Variants in CSMD1 observed in about 807,000 individuals in gnomAD.
CSMD1 encodes CUB and sushi domain-containing protein 1.
Under a neutral mutation model 417.5 loss-of-function variants are expected in CSMD1, and 213 were observed. That is an observed-to-expected ratio of 0.51 (90% CI 0.46 to 0.57). CSMD1 has a LOEUF of 0.57. Among genes scored for constraint, CSMD1 ranks in the 20% least tolerant of loss-of-function variants. The probability of loss-of-function intolerance (pLI) is 0.00; values close to 1 mark genes in which losing one functional copy is unlikely to be tolerated. For synonymous variants in CSMD1, 2,862 were observed against 1,736.8 expected (o/e 1.65, Z -16.11); for missense variants, 6,923 against 4,529.7 (o/e 1.53, Z -15.17).
chr8:4,931,159 C>T (rs1427933236), intron 1 of CSMD1, among the ~76,000 whole-genome samples: 1 of 152,086 alleles, frequency 6.6e-6, no homozygotes, highest in Non-Finnish European at 1.5e-5. Context: ...TAATTTGTGT[C>T]TTATATGAAA....
At position 2,951,266 on chromosome 8, in the gene CSMD1, T is replaced by C; in HGVS notation, c.10049A>G (p.Asp3350Gly). The change falls in exon 66 of 70, where the codon GAT becomes GGT. Residue 3350 changes from aspartate (D) to glycine (G), a missense_variant. Coordinates refer to ENST00000635120, the MANE Select transcript of CSMD1 (RefSeq NM_033225.6). Reference protein sequence around the residue: ...ETVTKTPVPSDVFFVNSLWKG... With the variant: ...ETVTKTPVPSGVFFVNSLWKG... Reference sequence around the variant, plus strand: ...CCACAGTGAATTGACGAAAAAGACATCTGAAGGAACTGTGGGAAGGGGGGA... The same window carrying C: ...CCACAGTGAATTGACGAAAAAGACACCTGAAGGAACTGTGGGAAGGGGGGA... The C allele has an allele frequency of 3.1e-6, 5 of 1,604,212 alleles. No individual in the cohort carries two copies. Among genetic ancestry groups the C allele is most frequent in the Non-Finnish European group, 4.3e-6 (5 of 1,174,916 alleles).
At chr8:3,032,791 C>G (rs867546649) in intron 50 of CSMD1, among the ~76,000 whole-genome samples, 1 of 152,124 alleles carries the variant, frequency 6.6e-6, no homozygotes, top group Non-Finnish European at 1.5e-5. Context: ...ACTTCAGAGT[C>G]AAATGCTTAG....
intron 5 of CSMD1, among the ~76,000 whole-genome samples, chr8:3,791,545 C>T (rs1363881010): frequency 6.6e-6 from 1 of 152,162 alleles, no homozygotes; most frequent in African/African-American, 2.4e-5. Context: ...CTTAACAGGC[C>T]GGGCATGGTG....
In CSMD1 at chr8:3,308,611, A is replaced by G. The variant is rs954473682; in HGVS notation, c.3632-108T>C. ...TAAATGCTCCTTGAAGGGTAGGGAG[A>G]AAAAAGGAGATTGTGAATTTACAAA... On this transcript the variant is annotated intron_variant, in intron 23 of 69. Transcript: ENST00000635120. The G allele has an allele frequency of 1.0e-5, 8 of 775,838 alleles. No homozygotes were observed. The South Asian group carries it at 1.6e-4, about 15-fold the overall frequency. The allele number at this position is 775,838 out of a possible 1,614,324, so 48.1% of individuals were successfully genotyped here.
rs531172861 is a variant in CSMD1 at position 4,127,740 on chromosome 8, G to A, written c.416-95641C>T. Among the ~76,000 whole-genome samples, 42 of 152,330 alleles carry A rather than the reference G, an allele frequency of 2.8e-4. No individual in the cohort carries two copies. The South Asian group carries it at 8.3e-3, about 30-fold the overall frequency. On this transcript the variant is annotated intron_variant, in intron 3 of 69. Coordinates refer to ENST00000635120, the MANE Select transcript of CSMD1 (RefSeq NM_033225.6). ...GAAAGGTATATTCAGCATTTACTATGTGCCAGCTACCAAGTCTTGACATAT... is the reference window on the plus strand; with the variant it reads ...GAAAGGTATATTCAGCATTTACTATATGCCAGCTACCAAGTCTTGACATAT...
chr8:3,833,967 C>G (rs1325175782), intron 5 of CSMD1, among the ~76,000 whole-genome samples: 1 of 152,102 alleles, frequency 6.6e-6, no homozygotes, highest in Non-Finnish European at 1.5e-5. Flanking sequence ...TTTCAATTCA[C>G]CTTTCCTATA....
chr8:4,530,375 G>A (rs1211540997), intron 2 of CSMD1, among the ~76,000 whole-genome samples: 3 of 118,728 alleles, frequency 2.5e-5, no homozygotes, highest in African/African-American at 6.5e-5. Context: ...CTTGCTGAAC[G>A]TGCAGGTTTG....
intron 5 of CSMD1, among the ~76,000 whole-genome samples, chr8:3,928,633 G>A (rs1033716306): frequency 2.0e-5 from 3 of 150,042 alleles, no homozygotes; most frequent in African/African-American, 7.4e-5. Flanking sequence ...GAAGTAATAA[G>A]AGTATACATG....
chr8:4,308,589 T>C (rs1178820425), intron 3 of CSMD1, among the ~76,000 whole-genome samples: 2 of 152,196 alleles, frequency 1.3e-5, no homozygotes, highest in African/African-American at 4.8e-5. Context: ...GAAATGCTCC[T>C]TAGAATAATG....
chr8:3,268,826 G>T (rs78636596), intron 26 of CSMD1, among the ~76,000 whole-genome samples: 3 of 152,214 alleles, frequency 2.0e-5, no homozygotes, highest in Non-Finnish European at 4.4e-5. Context: ...GGACAGTGGG[G>T]CCTGAAATGA....
chr8:3,135,229 A>C (rs903940046), intron 41 of CSMD1, among the ~76,000 whole-genome samples: 2 of 152,226 alleles, frequency 1.3e-5, no homozygotes, highest in Non-Finnish European at 2.9e-5. Flanking sequence ...TAGCTCTTCC[A>C]AACCAACTAA....
At chr8:3,788,714 C>A (rs1381293643) in intron 5 of CSMD1, among the ~76,000 whole-genome samples, 6 of 152,140 alleles carry the variant, frequency 3.9e-5, no homozygotes, top group Admixed American at 2.6e-4. Context: ...TCTAAGTAGC[C>A]ATTCAGAGAT....
intron 2 of CSMD1, among the ~76,000 whole-genome samples, chr8:4,477,363 C>G (rs1287809226): frequency 6.6e-6 from 1 of 152,132 alleles, no homozygotes; most frequent in Non-Finnish European, 1.5e-5. Context: ...CCGAGGGGCT[C>G]TCCACAAGCC....
At chr8:4,837,971 G>C (rs959722560) in intron 1 of CSMD1, among the ~76,000 whole-genome samples, 1 of 152,166 alleles carries the variant, frequency 6.6e-6, no homozygotes, top group Non-Finnish European at 1.5e-5. Flanking sequence ...GGCATTGCCT[G>C]TGAAGCCAGC....
chr8:3,945,029 A>C (rs914996529), intron 5 of CSMD1, among the ~76,000 whole-genome samples: 1 of 152,204 alleles, frequency 6.6e-6, no homozygotes, highest in African/African-American at 2.4e-5. Context: ...TCAGATGTCC[A>C]GGACATCCAG....
At chr8:3,244,244 C>T (rs1036549674) in intron 26 of CSMD1, among the ~76,000 whole-genome samples, 2 of 152,120 alleles carry the variant, frequency 1.3e-5, no homozygotes, top group Non-Finnish European at 2.9e-5. Context: ...TTTATTCTTT[C>T]TTTTCCTGTA....
chr8:4,247,970 T>A (rs1802814316), intron 3 of CSMD1, among the ~76,000 whole-genome samples: 1 of 152,184 alleles, frequency 6.6e-6, no homozygotes, highest in Non-Finnish European at 1.5e-5. Context: ...TTTTGGAAAT[T>A]GCTTCAACCA....
chr8:3,917,767 C>G, intron 5 of CSMD1, among the ~76,000 whole-genome samples: 1 of 152,082 alleles, frequency 6.6e-6, no homozygotes, highest in Middle Eastern at 3.2e-3. Flanking sequence ...TACCACCTGC[C>G]AAAGATTCCC....
At chr8:3,221,867 G>C (rs1195024248) in intron 28 of CSMD1, among the ~76,000 whole-genome samples, 1 of 151,884 alleles carries the variant, frequency 6.6e-6, no homozygotes. Context: ...ATGATTCTTT[G>C]CCTTTACCAT....
Sources: gnomAD v4.1 joint callset for allele counts (sites outside exome capture counted in the v4.1 genomes callset) on GRCh38, gnomAD v4.1.1 for gene constraint, MANE v1.5 for transcripts, NCBI Gene and HGNC (gene_info 2026-07-23, HGNC 2026-07-21) for gene names.